UPRT: variants seen among roughly 807,000 people sequenced by gnomAD.
UPRT encodes the protein RP11-311P8.3.
In UPRT, 5 loss-of-function variants were observed where a neutral mutation model predicts 22.6. That is an observed-to-expected ratio of 0.22 (90% CI 0.12 to 0.47). The LOEUF is 0.47. UPRT is among the 20% of genes least tolerant of loss of function. UPRT has a pLI of 0.99. For synonymous variants in UPRT, 77 were observed against 87.7 expected, an observed-to-expected ratio of 0.88 and a Z score of 0.68; for missense variants, 181 against 239.9, an observed-to-expected ratio of 0.75 and a Z score of 1.62.
At chrX:75,249,301 A>G (rs2082519358) in intron 4 of UPRT, among the ~76,000 whole-genome samples, 1 of 111,698 alleles carries the variant, frequency 9.0e-6, no homozygotes, top group Non-Finnish European at 1.9e-5. Flanking sequence ...GGTGTGCTGT[A>G]TTCAGGAAAC....
At chrX:75,188,027 C>CA (rs1286074815) in intron 4 of UPRT, among the ~76,000 whole-genome samples, 52 of 112,283 alleles carry the variant, frequency 4.6e-4, no homozygotes, top group African/African-American at 1.6e-3. Flanking sequence ...TCAGCTCGTC[C>CA]AAGTCATTCT....
chrX:75,280,955 G>T lies in UPRT; in HGVS notation c.386+6315G>T, dbSNP rs375761820. On this transcript the variant is annotated intron_variant, in intron 1 of 6. Transcript: ENST00000373383. ...GTCATCTATTATTTCTTTCAGCAGTGTTTTGAAGTTTTACTTGTAGAGGTC... is the reference window on the plus strand; with the variant it reads ...GTCATCTATTATTTCTTTCAGCAGTTTTTTGAAGTTTTACTTGTAGAGGTC... Among the ~76,000 whole-genome samples, 8 of 110,829 alleles carry T rather than the reference G, an allele frequency of 7.2e-5. No homozygotes were observed. In the East Asian group the frequency reaches 1.1e-3, roughly 16 times the overall value.
chrX:75,218,708 A>C (rs1301766013), intron 4 of UPRT, among the ~76,000 whole-genome samples: 1 of 99,864 alleles, frequency 1.0e-5, no homozygotes, highest in Non-Finnish European at 2.0e-5. Context: ...CTATGCAGCC[A>C]TAAAAAATGA....
intron 4 of UPRT, among the ~76,000 whole-genome samples, chrX:75,267,169 C>G (rs1020715800): frequency 8.9e-6 from 1 of 111,896 alleles, no homozygotes; most frequent in African/African-American, 3.2e-5. Flanking sequence ...TTCACAATAA[C>G]AAAGCCTTGG....
At chrX:75,296,111 G>C (rs2082724999) in intron 2 of UPRT, among the ~76,000 whole-genome samples, 1 of 111,426 alleles carries the variant, frequency 9.0e-6, no homozygotes, top group African/African-American at 3.3e-5. Flanking sequence ...GAATATTGGA[G>C]CCTTTTGGTG....
intron 4 of UPRT, among the ~76,000 whole-genome samples, chrX:75,241,069 T>C (rs768703799): frequency 1.9e-5 from 2 of 104,400 alleles, no homozygotes; most frequent in Admixed American, 2.1e-4. Context: ...AAAATAAAGA[T>C]AGATGGAACT....
chrX:75,224,567 C>A (rs916478228), intron 4 of UPRT, among the ~76,000 whole-genome samples: 9 of 110,958 alleles, frequency 8.1e-5, no homozygotes, highest in African/African-American at 2.9e-4. Flanking sequence ...TGGTATAGTT[C>A]TCTTCCACGT....
chrX:75,242,842 G>C (rs1350750170), intron 4 of UPRT, among the ~76,000 whole-genome samples: 1 of 111,151 alleles, frequency 9.0e-6, no homozygotes, highest in African/African-American at 3.3e-5. Flanking sequence ...TAATAATTGT[G>C]GGCCTAATTA....
chrX:75,247,025 G>T (rs907256651), intron 4 of UPRT, among the ~76,000 whole-genome samples: 5 of 111,858 alleles, frequency 4.5e-5, no homozygotes, highest in Non-Finnish European at 7.5e-5. Context: ...TAATTAGTTG[G>T]TCTCTAATTT....
chrX:75,292,049 A>C (rs2082710167), intron 1 of UPRT, among the ~76,000 whole-genome samples: 1 of 111,884 alleles, frequency 8.9e-6, no homozygotes, highest in Non-Finnish European at 1.9e-5. Context: ...AACTGTTCAG[A>C]AATTAAAACT....
chrX:75,186,086 C>G (rs2082289609), intron 4 of UPRT, among the ~76,000 whole-genome samples: 1 of 110,934 alleles, frequency 9.0e-6, no homozygotes. Context: ...TTTGCTCTTG[C>G]TTTTCTAGTT....
intron 4 of UPRT, among the ~76,000 whole-genome samples, chrX:75,168,608 C>A (rs2082218759): frequency 9.0e-6 from 1 of 111,329 alleles, no homozygotes; most frequent in African/African-American, 3.3e-5. Context: ...CGGCTCACCG[C>A]AACCTCCGCC....
chrX:75,178,765 T>C (rs1358960749), intron 4 of UPRT, among the ~76,000 whole-genome samples: 1 of 111,056 alleles, frequency 9.0e-6, no homozygotes, highest in Non-Finnish European at 1.9e-5. Context: ...GTGTTACAGC[T>C]CATAAAAGCA....
At position 75,185,232 on chromosome X, in the gene UPRT, C is replaced by G. The variant is rs775500839; in HGVS notation, c.-447+17353C>G. Among the ~76,000 whole-genome samples, 5 of 111,521 alleles carry G rather than the reference C, an allele frequency of 4.5e-5. No individual in the cohort carries two copies. In the East Asian group the frequency reaches 1.1e-3, roughly 25 times the overall value. Reference sequence around the variant, plus strand: ...TTTATTGAGAGTTTTTAGCATGAAGCGTTGTTGAATTTTGTCAAAGGCCTT... The same window carrying G: ...TTTATTGAGAGTTTTTAGCATGAAGGGTTGTTGAATTTTGTCAAAGGCCTT... On this transcript the variant is annotated intron_variant, in intron 4 of 13. Transcript: ENST00000652605.
intron 4 of UPRT, among the ~76,000 whole-genome samples, chrX:75,193,774 T>C (rs2082324044): frequency 9.0e-6 from 1 of 111,695 alleles, no homozygotes; most frequent in Admixed American, 9.5e-5. Context: ...CATCATGAAA[T>C]TCTTGTAGTG....
At chrX:75,242,141 A>G (rs1276991908) in intron 4 of UPRT, among the ~76,000 whole-genome samples, 2 of 111,902 alleles carry the variant, frequency 1.8e-5, no homozygotes, top group African/African-American at 3.2e-5. Context: ...GATCTAAGAA[A>G]TAAGGTAAGA....
intron 2 of UPRT, 81 bp downstream of exon 2, chrX:75,293,595 A>G: frequency 9.8e-7 from 1 of 1,019,512 alleles, no homozygotes; most frequent in African/African-American, 1.9e-5. Context: ...TTTTTGTTCT[A>G]GAGCATTCTG....
intron 4 of UPRT, among the ~76,000 whole-genome samples, chrX:75,217,473 T>G (rs1014207632): frequency 8.1e-5 from 9 of 111,635 alleles, no homozygotes; most frequent in Admixed American, 1.9e-4. Context: ...TATCCTCTTT[T>G]ATTTCCTTGA....
intron 4 of UPRT, among the ~76,000 whole-genome samples, chrX:75,196,003 G>T (rs1453044551): frequency 9.0e-6 from 1 of 111,470 alleles, no homozygotes; most frequent in African/African-American, 3.3e-5. Context: ...TGTGTCCCTT[G>T]CAATTCCATG....
Sources: allele counts gnomAD v4.1 joint callset (sites outside exome capture counted in the v4.1 genomes callset), GRCh38; gene constraint gnomAD v4.1.1; transcripts MANE v1.5; gene names NCBI Gene and HGNC (gene_info 2026-07-23, HGNC 2026-07-21).